Variants in POU6F1 observed in about 807,000 individuals in gnomAD.
POU6F1 encodes the protein POU domain, class 6, transcription factor 1.
POU6F1 carries 9 observed loss-of-function variants against 28.9 expected under a neutral mutation model. That is an observed-to-expected ratio of 0.31 (90% CI 0.19 to 0.54). The LOEUF (loss-of-function observed/expected upper bound fraction) is 0.54. Ranked by LOEUF, POU6F1 falls within the 20% of genes least tolerant of loss-of-function variation. The pLI, the probability that POU6F1 is intolerant of heterozygous loss-of-function variation, is 0.94. For synonymous variants in POU6F1, 173 were observed against 171.1 expected (o/e 1.01, Z -0.09); for missense variants, 338 against 426.1 (o/e 0.79, Z 1.82).
At chr12:51,196,733 T>C in intron 7 of POU6F1, 66 bp downstream of exon 7, 1 of 1,580,932 alleles carries the variant, frequency 6.3e-7, no homozygotes, top group Non-Finnish European at 8.7e-7. Flanking sequence ...GCCCAAGACC[T>C]GGCCGCCATC....
chr12:51,205,034 C>CTTTT (rs767521766), intron 2 of POU6F1, among the ~76,000 whole-genome samples: 11 of 113,646 alleles, frequency 9.7e-5, no homozygotes, highest in East Asian at 2.2e-4. Flanking sequence ...TGGACTGCAG[C>CTTTT]TTTTTTTTTT....
intron 8 of POU6F1, among the ~76,000 whole-genome samples, chr12:51,194,831 G>T (rs1262628081): frequency 6.6e-6 from 1 of 152,110 alleles, no homozygotes; most frequent in Non-Finnish European, 1.5e-5. Flanking sequence ...ACCTTCTGAA[G>T]TTGGTACCCT....
intron 6 of POU6F1, 92 bp downstream of exon 6, chr12:51,197,678 G>C (rs1218747878): frequency 5.0e-6 from 2 of 398,746 alleles, no homozygotes; most frequent in East Asian, 3.6e-5. Context: ...TTTCGGGGGG[G>C]GCTCGTCCTC....
intron 10 of POU6F1, among the ~76,000 whole-genome samples, chr12:51,191,236 T>C (rs1431168403): frequency 6.6e-6 from 1 of 152,224 alleles, no homozygotes; most frequent in African/African-American, 2.4e-5. Flanking sequence ...TGATGAGGTA[T>C]GGTGGGTTAC....
rs117234713 is a variant in POU6F1, at chr12:51,209,592, T to C, written c.-47-2709A>G. On this transcript the variant is annotated intron_variant, in intron 1 of 10. Coordinates refer to ENST00000333640, the MANE Select transcript of POU6F1 (RefSeq NM_001330422.2). The stretch of plus-strand genomic sequence containing the variant: ...TATTGCAAATAGTGTATTATGACTA[T>C]TGGGTATAATTTTTTTTGAACACCT... Among the ~76,000 whole-genome samples, 4 of 152,344 alleles carry C rather than the reference T, an allele frequency of 2.6e-5. No homozygotes were observed. The East Asian group carries it at 7.7e-4, about 29-fold the overall frequency.
At chr12:51,206,659 T>G (rs1172817268) in intron 2 of POU6F1, 130 bp downstream of exon 2, 13 of 397,494 alleles carry the variant, frequency 3.3e-5, no homozygotes, top group Non-Finnish European at 5.8e-5. Context: ...GGCAAGTACC[T>G]CTGGACAGGT....
chr12:51,191,387 G>A (rs1178919234), intron 10 of POU6F1, among the ~76,000 whole-genome samples: 1 of 151,614 alleles, frequency 6.6e-6, no homozygotes, highest in Non-Finnish European at 1.5e-5. Context: ...AGGATTGGAG[G>A]ATAATCTTCA....
Position 51,217,433 on chromosome 12 carries a change from G to C in POU6F1, c.-48+209C>G, listed in dbSNP as rs1944346079. The stretch of plus-strand genomic sequence containing the variant: ...CCCCCGGGTGTCTAGCCCCAGCTGG[G>C]CAACCGCGCGCTGTCCCGCTCCCGC... On this transcript the variant is annotated intron_variant, in intron 1 of 10. Transcript: ENST00000333640. This position sits in a 1 kb window ranked among gnomAD's most constrained non-coding sequence, Gnocchi z 5.3. Among the ~76,000 whole-genome samples the C allele has an allele frequency of 6.6e-6, 1 of 152,006 alleles. No homozygotes were observed. Among genetic ancestry groups the C allele is most frequent in the South Asian group, 2.1e-4 (1 of 4,834 alleles).
intron 8 of POU6F1, among the ~76,000 whole-genome samples, chr12:51,192,818 T>C (rs1942517428): frequency 6.6e-6 from 1 of 152,122 alleles, no homozygotes; most frequent in South Asian, 2.1e-4. Flanking sequence ...AGCAGGAGAA[T>C]TGCTTGAACC....
chr12:51,191,542 G>C (rs1273170323), intron 10 of POU6F1, 54 bp downstream of exon 10: 1 of 1,576,310 alleles, frequency 6.3e-7, no homozygotes, highest in African/African-American at 1.3e-5. Context: ...TGAGTGCCCG[G>C]TGGCACCAGG....
At position 51,187,612 on chromosome 12, in the gene POU6F1, C is replaced by G. The variant is rs1031971666; in HGVS notation, c.*2635G>C. On this transcript the variant is annotated 3_prime_UTR_variant, in exon 11 of 11. Coordinates refer to ENST00000333640, the MANE Select transcript of POU6F1 (RefSeq NM_001330422.2). ...CTGGGGAACTCAGCCTGCAAACCTC[C>G]CACCCCTGGTATTGTTCCTCTGAAT... 2.0e-5 allele frequency: 3 copies of G among 152,208 alleles called. No individual in the cohort carries two copies. The highest frequency in any genetic ancestry group is 2.9e-5 in the Non-Finnish European group (2 of 68,060). The allele number at this position is 152,208 out of a possible 1,614,324, so 9.4% of individuals were successfully genotyped here. A position where few individuals can be genotyped will look rare whatever the true frequency, so the allele number is the denominator to read the frequency against.
rs1168462379 is a variant in POU6F1 at position 51,217,110 on chromosome 12, G to C, written c.-48+532C>G. On this transcript the variant is annotated intron_variant, in intron 1 of 10. Transcript: ENST00000333640. The surrounding 1 kb of genome is among the most constrained non-coding windows in gnomAD (Gnocchi z 5.3). Reference sequence around the variant, plus strand: ...CAGCAACGCCTGGGTCCCTACCCCCGGGTCCCACCGGTCGTCCCGGAGTTT... The same window carrying C: ...CAGCAACGCCTGGGTCCCTACCCCCCGGTCCCACCGGTCGTCCCGGAGTTT... Among the ~76,000 whole-genome samples, 1 of 152,080 alleles carries C rather than the reference G, an allele frequency of 6.6e-6. No homozygotes were observed. The highest frequency in any genetic ancestry group is 6.5e-5 in the Admixed American group (1 of 15,276).
chr12:51,192,354 G>T lies in POU6F1; in HGVS notation c.1297C>A (p.Pro433Thr), dbSNP rs766659331. Residue 433 changes from proline to threonine, a missense_variant, in exon 9 of 11, where the codon CCC becomes ACC. Physicochemically the swap from Pro to Thr is conservative, Grantham distance 38. Transcript: ENST00000333640. ...APIPITCSETPTVSQLVSKPH... is the reference protein window; with the variant it reads ...APIPITCSETTTVSQLVSKPH... ...CTGGACACCAACTGGCTGACGGTGG[G>T]GGTCTCTGAGCAGGTAATTGGGATA... 6.2e-7 allele frequency: 1 copy of T among 1,614,054 alleles called. No homozygotes were observed. Among genetic ancestry groups the T allele is most frequent in the African/African-American group, 1.3e-5 (1 of 74,924 alleles).
rs562381298 is a variant in POU6F1 at position 51,203,949 on chromosome 12, C to A, written c.244+224G>T. ...CTCTTCCCACCTCACCCTGATCCAT[C>A]CTAGTTTAGGCCTGGAAGTGACACA... On this transcript the variant is annotated intron_variant, in intron 3 of 10. Transcript: ENST00000333640. Among the ~76,000 whole-genome samples the A allele has an allele frequency of 7.2e-5, 11 of 152,292 alleles. No homozygotes were observed. The South Asian group carries it at 2.1e-3, about 29-fold the overall frequency.
rs1242248424 is a variant in POU6F1 at position 51,197,854 on chromosome 12, G to A, written c.762C>T (p.Thr254=). The stretch of plus-strand genomic sequence containing the variant: ...CTGGCTTGGGGGTAGGGGCAGCAGC[G>A]GTGGCAGCAGTGGGCTGCGGGAGGA... ...PAILPQPTAA[T]AAAPTPKPVD... The change falls in exon 6 of 11, where the codon ACC becomes ACT. Residue 254 remains threonine, a synonymous_variant. Coordinates refer to ENST00000333640, the MANE Select transcript of POU6F1 (RefSeq NM_001330422.2). 4.0e-5 allele frequency: 16 copies of A among 403,876 alleles called. No individual in the cohort carries two copies. Among genetic ancestry groups the A allele is most frequent in the East Asian group, 1.4e-4 (4 of 28,142 alleles). The allele number at this position is 403,876 out of a possible 1,614,324, so 25.0% of individuals were successfully genotyped here. A position where few individuals can be genotyped will look rare whatever the true frequency, so the allele number is the denominator to read the frequency against.
At chr12:51,196,976 C>G in intron 6 of POU6F1, 49 bp from the exon 7 acceptor site, 1 of 1,142,290 alleles carries the variant, frequency 8.8e-7, no homozygotes. Context: ...GTGAGAAGAA[C>G]CCCGGGCAGA....
chr12:51,208,561 T>C (rs2137205788), intron 1 of POU6F1, among the ~76,000 whole-genome samples: 1 of 152,266 alleles, frequency 6.6e-6, no homozygotes, highest in Admixed American at 6.5e-5. Context: ...TCTGAATGTG[T>C]CCTTCCCCGC....
Position 51,196,008 on chromosome 12 carries a change from G to A in POU6F1, c.1141C>T (p.Arg381Trp), listed in dbSNP as rs201399148. The A allele has an allele frequency of 2.3e-5, 37 of 1,594,472 alleles. No homozygotes were observed. Among genetic ancestry groups the A allele is most frequent in the East Asian group, 9.0e-5 (4 of 44,214 alleles). Residue 381 changes from arginine to tryptophan, a missense_variant, in exon 8 of 11, where the codon CGG becomes TGG. Coordinates refer to ENST00000333640, the MANE Select transcript of POU6F1 (RefSeq NM_001330422.2). ...GGGGACTCAGGTGTGCTTGGCTTCC[G>A]GACAGCCACAGGTGGAGGCAGGGGG... ...SSPLPPPVAV[R>W]KPSTPESPAK...
chr12:51,206,937 T>A (rs191559059), intron 1 of POU6F1, 54 bp from the exon 2 acceptor site: 3 of 397,908 alleles, frequency 7.5e-6, no homozygotes, highest in East Asian at 7.1e-5. Flanking sequence ...GTAATACAAT[T>A]TCTATACCAT....
Sources: allele counts gnomAD v4.1 joint callset (sites outside exome capture counted in the v4.1 genomes callset), GRCh38; gene constraint gnomAD v4.1.1; non-coding constraint Gnocchi (gnomAD v3.1); transcripts MANE v1.5; gene names NCBI Gene and HGNC (gene_info 2026-07-23, HGNC 2026-07-21).